GPC5: variants seen among roughly 807,000 people sequenced by gnomAD.
GPC5 encodes glypican 5, also known as glypican-5.
GPC5 carries 47 observed loss-of-function variants against 53.9 expected under a neutral mutation model. That is an observed-to-expected ratio of 0.87 (90% CI 0.69 to 1.11). The LOEUF (loss-of-function observed/expected upper bound fraction) is 1.11, where lower values mean the gene tolerates loss of function less well. Among genes scored for constraint, GPC5 ranks in the 50% most tolerant of loss-of-function variants. The probability of loss-of-function intolerance (pLI) is 0.00; values close to 1 mark genes in which losing one functional copy is unlikely to be tolerated. For missense variants in GPC5, 748 were observed against 713.1 expected, an observed-to-expected ratio of 1.05 and a Z score of -0.56; for synonymous variants, 286 against 263.3, an observed-to-expected ratio of 1.09 and a Z score of -0.84.
At chr13:92,558,772 A>G (rs1882590876) in intron 7 of GPC5, among the ~76,000 whole-genome samples, 2 of 151,976 alleles carry the variant, frequency 1.3e-5, no homozygotes, top group Non-Finnish European at 2.9e-5. Context: ...TTTAGCACAT[A>G]TAGTAATAGA....
At chr13:92,452,639 C>T (rs1038929508) in intron 7 of GPC5, among the ~76,000 whole-genome samples, 1 of 152,158 alleles carries the variant, frequency 6.6e-6, no homozygotes, top group Non-Finnish European at 1.5e-5. Flanking sequence ...GCGATCTCAG[C>T]TCACTGCAAC....
In GPC5 at chr13:91,991,562, T is replaced by C. The variant is rs1038725429; in HGVS notation, c.1401+83505T>C. On this transcript the variant is annotated intron_variant, in intron 6 of 7. Coordinates refer to ENST00000377067, the MANE Select transcript of GPC5 (RefSeq NM_004466.6). ...GTCAAAGGGATAAAGGAAGAATTTT[T>C]TTTTTCTCTCTCTCTCTATACACAC... is the stretch of plus-strand genomic sequence containing the variant. Among the ~76,000 whole-genome samples, 7 of 152,228 alleles carry C rather than the reference T, an allele frequency of 4.6e-5. No homozygotes were observed. The South Asian group carries it at 1.2e-3, about 27-fold the overall frequency.
intron 4 of GPC5, among the ~76,000 whole-genome samples, chr13:91,747,373 A>G (rs1302855656): frequency 6.6e-6 from 1 of 152,168 alleles, no homozygotes; most frequent in Non-Finnish European, 1.5e-5. Context: ...ATGAAGCAAT[A>G]ACTATGCTAG....
chr13:92,094,520 CAAAAAAAAAAAA>C (rs71200562), intron 6 of GPC5, among the ~76,000 whole-genome samples: 1 of 68,224 alleles, frequency 1.5e-5, no homozygotes, highest in Non-Finnish European at 2.6e-5. Context: ...GACTCCGTCT[CAAAAAAAAAAAA>C]AAAAAAAAAA....
intron 7 of GPC5, among the ~76,000 whole-genome samples, chr13:92,500,125 G>T (rs1306440379): frequency 6.6e-6 from 1 of 152,114 alleles, no homozygotes; most frequent in Non-Finnish European, 1.5e-5. Flanking sequence ...TGGACATAAG[G>T]AACACCAGGA....
chr13:92,037,063 A>G (rs1051880128), intron 6 of GPC5, among the ~76,000 whole-genome samples: 8 of 152,082 alleles, frequency 5.3e-5, no homozygotes, highest in African/African-American at 9.7e-5. Flanking sequence ...TAATCTTCCA[A>G]TGATTTCCCA....
chr13:91,403,333 T>C (rs1339140610), intron 1 of GPC5, among the ~76,000 whole-genome samples: 1 of 152,124 alleles, frequency 6.6e-6, no homozygotes, highest in Non-Finnish European at 1.5e-5. Flanking sequence ...GAGAGTTTGG[T>C]AGTAGGTAGT....
chr13:92,782,518 G>C (rs77054802), intron 7 of GPC5, among the ~76,000 whole-genome samples: 3,007 of 152,252 alleles, frequency 0.02, 103 homozygotes, highest in African/African-American at 0.069. Context: ...AATGTGGAAA[G>C]AGGAAGCCTT....
intron 7 of GPC5, among the ~76,000 whole-genome samples, chr13:92,701,848 T>C (rs1469961821): frequency 6.6e-6 from 1 of 152,106 alleles, no homozygotes; most frequent in East Asian, 1.9e-4. Context: ...TGGAATTCAT[T>C]CTGGGAAGAA....
At chr13:91,788,903 C>G (rs879803207) in intron 5 of GPC5, among the ~76,000 whole-genome samples, 1 of 152,092 alleles carries the variant, frequency 6.6e-6, no homozygotes, top group Non-Finnish European at 1.5e-5. Context: ...TTCTATGATA[C>G]AGTGCAGCAT....
intron 7 of GPC5, among the ~76,000 whole-genome samples, chr13:92,255,118 A>T (rs1284459391): frequency 1.3e-5 from 2 of 152,206 alleles, no homozygotes; most frequent in East Asian, 3.8e-4. Flanking sequence ...CAAATACTAC[A>T]CTGTTTTATA....
chr13:91,926,844 A>T (rs2039774130), intron 6 of GPC5, among the ~76,000 whole-genome samples: 1 of 152,220 alleles, frequency 6.6e-6, no homozygotes, highest in African/African-American at 2.4e-5. Context: ...TTGCATGGAC[A>T]CAGTACAGTA....
At chr13:92,068,777 CTT>C (rs1271938323) in intron 6 of GPC5, among the ~76,000 whole-genome samples, 1 of 151,330 alleles carries the variant, frequency 6.6e-6, no homozygotes, top group Non-Finnish European at 1.5e-5. Flanking sequence ...ATTGAAAAAA[CTT>C]AATTTGTTTT....
intron 6 of GPC5, among the ~76,000 whole-genome samples, chr13:91,948,297 G>A (rs1358509505): frequency 1.3e-5 from 2 of 151,046 alleles, no homozygotes; most frequent in Non-Finnish European, 3.0e-5. Flanking sequence ...TATTCATTAC[G>A]TTACTAATTT....
At chr13:91,834,439 G>A (rs753939028) in intron 5 of GPC5, among the ~76,000 whole-genome samples, 1 of 151,876 alleles carries the variant, frequency 6.6e-6, no homozygotes, top group African/African-American at 2.4e-5. Context: ...CACAGCCAAG[G>A]CAATCCTAAT....
At chr13:92,133,451 G>A (rs1220519473) in intron 6 of GPC5, among the ~76,000 whole-genome samples, 1 of 152,112 alleles carries the variant, frequency 6.6e-6, no homozygotes, top group Non-Finnish European at 1.5e-5. Context: ...CTGCATAGCT[G>A]GCTAATGAAG....
chr13:92,465,508 C>T (rs576671739), intron 7 of GPC5, among the ~76,000 whole-genome samples: 5 of 152,092 alleles, frequency 3.3e-5, no homozygotes, highest in African/African-American at 9.6e-5. Context: ...GTCCTATATA[C>T]TTAAAAAAAT....
rs78414210 is a variant in GPC5 at position 92,440,618 on chromosome 13, G to A, written c.1561+295629G>A. The stretch of plus-strand genomic sequence containing the variant: ...TATTTTCCTTTGGGTATATACCCAG[G>A]AATGGGATTTCTGGGTAGAATAATA... On this transcript the variant is annotated intron_variant, in intron 7 of 7. Coordinates refer to ENST00000377067, the MANE Select transcript of GPC5 (RefSeq NM_004466.6). Among the ~76,000 whole-genome samples the A allele has an allele frequency of 6.1e-3, 928 of 152,266 alleles. 7 individuals are homozygous for A. The highest frequency in any genetic ancestry group is 0.011 in the Non-Finnish European group (762 of 68,014).
intron 7 of GPC5, among the ~76,000 whole-genome samples, chr13:92,673,350 C>T (rs1307388293): frequency 1.3e-5 from 2 of 150,734 alleles, no homozygotes; most frequent in East Asian, 3.9e-4. Flanking sequence ...GGCATGATCT[C>T]GGCTCATTGC....
Sources: gnomAD v4.1 joint callset for allele counts (sites outside exome capture counted in the v4.1 genomes callset) on GRCh38, gnomAD v4.1.1 for gene constraint, MANE v1.5 for transcripts, NCBI Gene and HGNC (gene_info 2026-07-23, HGNC 2026-07-21) for gene names.